KCNB2: variants seen among roughly 807,000 people sequenced by gnomAD.
KCNB2 encodes delayed rectifier potassium channel protein.
In KCNB2, 15 loss-of-function variants were observed where a neutral mutation model predicts 61.5. The ratio of observed to expected loss-of-function variants is 0.24; its 90% CI spans 0.16 to 0.38. The LOEUF (loss-of-function observed/expected upper bound fraction) is 0.38, where lower values mean the gene tolerates loss of function less well. Ranked by LOEUF, KCNB2 falls within the 10% of genes least tolerant of loss-of-function variation. KCNB2 has a pLI of 1.00. For synonymous variants in KCNB2, 457 were observed against 446.0 expected (o/e 1.02, Z -0.31); for missense variants, 828 against 1,125.2 (o/e 0.74, Z 3.78).
At chr8:72,680,620 T>G (rs1318560051) in intron 2 of KCNB2, among the ~76,000 whole-genome samples, 1 of 152,090 alleles carries the variant, frequency 6.6e-6, no homozygotes, top group East Asian at 1.9e-4. Context: ...GAGAATGGGT[T>G]TGGGAGCTAC....
At chr8:72,900,186 A>G (rs1806064263) in intron 2 of KCNB2, among the ~76,000 whole-genome samples, 1 of 152,202 alleles carries the variant, frequency 6.6e-6, no homozygotes, top group Non-Finnish European at 1.5e-5. Flanking sequence ...TCCCAGAAGT[A>G]AAGCTACATA....
intron 1 of KCNB2, among the ~76,000 whole-genome samples, chr8:72,547,652 T>G (rs1429412559): frequency 6.6e-6 from 1 of 152,220 alleles, no homozygotes; most frequent in Non-Finnish European, 1.5e-5. Flanking sequence ...TGCTGTGACC[T>G]CATAATCAAA....
At chr8:72,763,864 G>A (rs575702502) in intron 2 of KCNB2, among the ~76,000 whole-genome samples, 58 of 152,302 alleles carry the variant, frequency 3.8e-4, no homozygotes, top group African/African-American at 1.3e-3. Flanking sequence ...GAAACAGAAG[G>A]TTTCCCAGAG....
intron 2 of KCNB2, 67 bp from the exon 3 acceptor site, chr8:72,935,868 C>T: frequency 9.5e-7 from 1 of 1,053,828 alleles, no homozygotes; most frequent in Non-Finnish European, 1.4e-6. Flanking sequence ...CAATCACCGA[C>T]CCATCTGTCT....
At chr8:72,833,483 T>A (rs1023289090) in intron 2 of KCNB2, among the ~76,000 whole-genome samples, 2 of 152,154 alleles carry the variant, frequency 1.3e-5, no homozygotes, top group Admixed American at 6.5e-5. Context: ...ATCAGGCAGA[T>A]CAGACCAGTT....
intron 2 of KCNB2, among the ~76,000 whole-genome samples, chr8:72,734,948 A>G (rs939873617): frequency 6.6e-6 from 1 of 152,208 alleles, no homozygotes; most frequent in African/African-American, 2.4e-5. Flanking sequence ...CGTTTTCATT[A>G]CTATGAACAA....
intron 2 of KCNB2, among the ~76,000 whole-genome samples, chr8:72,805,975 C>T (rs1024005740): frequency 1.3e-5 from 2 of 152,206 alleles, no homozygotes; most frequent in Admixed American, 6.5e-5. Context: ...GAAACCACAA[C>T]TTCTACAGCT....
chr8:72,914,384 T>C (rs1452645518), intron 2 of KCNB2, among the ~76,000 whole-genome samples: 1 of 152,224 alleles, frequency 6.6e-6, no homozygotes, highest in African/African-American at 2.4e-5. Context: ...AATATTACTT[T>C]TTTTGTTTTA....
At chr8:72,801,736 T>C (rs570025830) in intron 2 of KCNB2, among the ~76,000 whole-genome samples, 4 of 152,004 alleles carry the variant, frequency 2.6e-5, no homozygotes, top group Admixed American at 2.6e-4. Context: ...CCTTGGCACA[T>C]CTGAGAAGGT....
intron 2 of KCNB2, among the ~76,000 whole-genome samples, chr8:72,642,568 A>G (rs949262419): frequency 6.6e-6 from 1 of 152,122 alleles, no homozygotes; most frequent in Non-Finnish European, 1.5e-5. Flanking sequence ...GCTCACCTGT[A>G]TCATTTGCAC....
At chr8:72,832,994 G>T (rs191517753) in intron 2 of KCNB2, among the ~76,000 whole-genome samples, 1 of 152,290 alleles carries the variant, frequency 6.6e-6, no homozygotes, top group Admixed American at 6.5e-5. Flanking sequence ...AGATACATAG[G>T]AGACCTATGG....
At chr8:72,684,149 C>T (rs1199660939) in intron 2 of KCNB2, among the ~76,000 whole-genome samples, 1 of 152,108 alleles carries the variant, frequency 6.6e-6, no homozygotes, top group East Asian at 1.9e-4. Flanking sequence ...TTATAATCTA[C>T]AGGGGTTGGT....
intron 2 of KCNB2, among the ~76,000 whole-genome samples, chr8:72,738,696 G>A (rs1263272650): frequency 1.3e-5 from 2 of 152,160 alleles, no homozygotes; most frequent in Non-Finnish European, 2.9e-5. Flanking sequence ...CAGTTGGCAT[G>A]TGGTGATTAA....
Position 72,898,965 on chromosome 8 carries a change from G to A in KCNB2, c.580-36970G>A, listed in dbSNP as rs377502184. The stretch of plus-strand genomic sequence containing the variant: ...TAGCTTCATCCATTTCACTGCAAGG[G>A]ACGTGATTTCATTTTGTATGGCTGT... On this transcript the variant is annotated intron_variant, in intron 2 of 2. Transcript: ENST00000523207. 2.6e-5 allele frequency among the ~76,000 whole-genome samples: 4 copies of A among 152,188 alleles called. No homozygotes were observed. In the East Asian group the frequency reaches 5.8e-4, roughly 22 times the overall value.
At chr8:72,599,746 A>C (rs1196437916) in intron 2 of KCNB2, among the ~76,000 whole-genome samples, 1 of 152,204 alleles carries the variant, frequency 6.6e-6, no homozygotes, top group African/African-American at 2.4e-5. Context: ...AAACAAATTT[A>C]CAATAAAAAA....
intron 2 of KCNB2, among the ~76,000 whole-genome samples, chr8:72,808,614 T>C (rs1809259726): frequency 6.6e-6 from 1 of 152,206 alleles, no homozygotes. Context: ...CAATTAGAAA[T>C]ATTAGCCATG....
At chr8:72,827,835 T>TG (rs1366392572) in intron 2 of KCNB2, among the ~76,000 whole-genome samples, 2 of 150,962 alleles carry the variant, frequency 1.3e-5, no homozygotes, top group Non-Finnish European at 3.0e-5. Context: ...TTTTTTGAGA[T>TG]GGAGTCTCAC....
intron 2 of KCNB2, among the ~76,000 whole-genome samples, chr8:72,854,059 C>A (rs1563405373): frequency 6.6e-6 from 1 of 152,132 alleles, no homozygotes; most frequent in Non-Finnish European, 1.5e-5. Flanking sequence ...CCATTTAGGG[C>A]TATTTTGCTT....
At chr8:72,833,226 A>G (rs945589023) in intron 2 of KCNB2, among the ~76,000 whole-genome samples, 3 of 152,208 alleles carry the variant, frequency 2.0e-5, no homozygotes, top group African/African-American at 7.2e-5. Flanking sequence ...TAAAATTTTA[A>G]AGAATAAAAA....
Sources: gnomAD v4.1 joint callset for allele counts (sites outside exome capture counted in the v4.1 genomes callset) on GRCh38, gnomAD v4.1.1 for gene constraint, MANE v1.5 for transcripts, NCBI Gene and HGNC (gene_info 2026-07-23, HGNC 2026-07-21) for gene names.